The following MYO1B variants were observed in gnomAD, a reference collection of about 807,000 sequenced individuals.
MYO1B encodes the protein unconventional myosin-Ib.
MYO1B carries 72 observed loss-of-function variants against 159.7 expected under a neutral mutation model. The observed-to-expected ratio is 0.45, with a 90% confidence interval of 0.37 to 0.55. The LOEUF (loss-of-function observed/expected upper bound fraction) is 0.55, where lower values mean the gene tolerates loss of function less well. Among genes scored for constraint, MYO1B ranks in the 20% least tolerant of loss-of-function variants. The pLI is 0.00. For missense variants in MYO1B, 1,062 were observed against 1,364.8 expected, an observed-to-expected ratio of 0.78 and a Z score of 3.50; for synonymous variants, 468 against 473.8, an observed-to-expected ratio of 0.99 and a Z score of 0.16.
At chr2:191,271,897 A>G (rs1309170212) in intron 1 of MYO1B, among the ~76,000 whole-genome samples, 1 of 152,174 alleles carries the variant, frequency 6.6e-6, no homozygotes, top group Non-Finnish European at 1.5e-5. Flanking sequence ...AGTGCAGATG[A>G]TGTTGACATA....
rs766881465 is a variant in MYO1B at position 191,392,109 on chromosome 2, T to A, written c.1984T>A (p.Ser662Thr). 2 of 1,596,878 alleles carry A rather than the reference T, an allele frequency of 1.3e-6. No homozygotes were observed. The highest frequency in any genetic ancestry group is 2.7e-5 in the African/African-American group (2 of 74,618). Residue 662 changes from serine to threonine, a missense_variant and splice_region_variant, in exon 19 of 31, where the codon TCT (serine) becomes ACT (threonine). Physicochemically the swap from Ser to Thr is moderately conservative, Grantham distance 58. Around this residue, in one of 5 missense-constraint regions of MYO1B, gnomAD observed 609 missense variants for 744.4 expected, o/e 0.82. Transcript: ENST00000392318. ...CTGTTTTTATTTTTATTTTTTTAGGTCTGGTGTGGAGGTCCTATTTAATGA... is the reference window on the plus strand; with the variant it reads ...CTGTTTTTATTTTTATTTTTTTAGGACTGGTGTGGAGGTCCTATTTAATGA... ...TWPHWKGPAR[S>T]GVEVLFNELE...
At chr2:191,255,983 C>T (rs1686420537) in intron 1 of MYO1B, among the ~76,000 whole-genome samples, 2 of 152,166 alleles carry the variant, frequency 1.3e-5, no homozygotes, top group Admixed American at 6.5e-5. Context: ...ATGTTTTTTC[C>T]AGTGTCTCAG....
At chr2:191,381,246 A>C in intron 13 of MYO1B, 1 of 592,806 alleles carries the variant, frequency 1.7e-6, no homozygotes, top group Non-Finnish European at 3.1e-6. Context: ...CAAATATTGC[A>C]TCATTTGTGT....
At chr2:191,298,979 AC>A (rs1314290049) in intron 3 of MYO1B, among the ~76,000 whole-genome samples, 1 of 151,772 alleles carries the variant, frequency 6.6e-6, no homozygotes, top group Non-Finnish European at 1.5e-5. Flanking sequence ...TACACCACAA[AC>A]CCTCCAGGAT....
chr2:191,391,063 G>A (rs533061100), intron 18 of MYO1B, among the ~76,000 whole-genome samples: 8 of 152,368 alleles, frequency 5.3e-5, no homozygotes, highest in South Asian at 2.1e-4. Context: ...GCTGGACACC[G>A]CAGGCCCAGT....
chr2:191,369,703 T>A, intron 12 of MYO1B, 75 bp downstream of exon 12: 1 of 1,109,416 alleles, frequency 9.0e-7, no homozygotes, highest in Non-Finnish European at 1.4e-6. Flanking sequence ...GAAGAAAGTT[T>A]AAATTTATAA....
In MYO1B at chr2:191,352,449, G is replaced by T. The variant is rs557041744; in HGVS notation, c.562+2224G>T. Among the ~76,000 whole-genome samples the T allele has an allele frequency of 1.4e-4, 22 of 152,252 alleles. 1 individual carries two copies. The South Asian group carries it at 4.4e-3, about 30-fold the overall frequency. ...GGATTTTAGGAAAATAATTCAGGAT[G>T]ATTTTATTATTATAAGGATTAGAAA... On this transcript the variant is annotated intron_variant, in intron 7 of 30. Coordinates refer to ENST00000392318, the MANE Select transcript of MYO1B (RefSeq NM_001130158.3).
chr2:191,369,233 C>G (rs796601188), intron 11 of MYO1B, among the ~76,000 whole-genome samples: 19 of 152,234 alleles, frequency 1.2e-4, no homozygotes, highest in African/African-American at 4.1e-4. Flanking sequence ...CTTACTACCC[C>G]CTATTGTTGG....
At chr2:191,362,453 C>T (rs1364903240) in intron 9 of MYO1B, 82 bp downstream of exon 9, 2 of 1,010,676 alleles carry the variant, frequency 2.0e-6, no homozygotes, top group East Asian at 2.6e-5. Context: ...TCTGAGTTTT[C>T]TTTAAAGTGT....
chr2:191,363,266 G>A (rs141193675), intron 9 of MYO1B, among the ~76,000 whole-genome samples: 4 of 152,282 alleles, frequency 2.6e-5, no homozygotes, highest in East Asian at 1.9e-4. Flanking sequence ...TTGGCACTCC[G>A]TAAAAATTTA....
chr2:191,406,832 A>AT (rs1294029757), intron 24 of MYO1B, among the ~76,000 whole-genome samples: 1 of 152,252 alleles, frequency 6.6e-6, no homozygotes, highest in Non-Finnish European at 1.5e-5. Flanking sequence ...TGCAAAGTGC[A>AT]TTAAAATGAG....
chr2:191,261,100 T>G (rs1174925723), intron 1 of MYO1B, among the ~76,000 whole-genome samples: 1 of 152,202 alleles, frequency 6.6e-6, no homozygotes, highest in Non-Finnish European at 1.5e-5. Flanking sequence ...ACACTAATGC[T>G]CCAAGCTAGA....
intron 7 of MYO1B, among the ~76,000 whole-genome samples, chr2:191,357,205 T>C (rs1356498726): frequency 6.6e-6 from 1 of 152,218 alleles, no homozygotes; most frequent in Non-Finnish European, 1.5e-5. Context: ...AAAAACTTCA[T>C]CCTCCAGTAG....
At chr2:191,381,625 C>G in intron 14 of MYO1B, 59 bp downstream of exon 14, 1 of 1,239,200 alleles carries the variant, frequency 8.1e-7, no homozygotes, top group Non-Finnish European at 1.2e-6. Flanking sequence ...AATATAAATT[C>G]TAATTCAGAA....
chr2:191,363,579 C>A, intron 9 of MYO1B, 149 bp from the exon 10 acceptor site: 1 of 1,043,406 alleles, frequency 9.6e-7, no homozygotes, highest in Non-Finnish European at 1.3e-6. Context: ...CCCCAGGGTT[C>A]CTCGAATCAC....
chr2:191,346,331 TATGTTTAAACA>T (rs1350457311), intron 6 of MYO1B, 49 bp downstream of exon 6: 1 of 1,304,124 alleles, frequency 7.7e-7, no homozygotes, highest in Non-Finnish European at 1.0e-6. Context: ...TTAGCTCATG[TATGTTTAAACA>T]ACCAGTAGAT....
chr2:191,408,003 G>T, intron 24 of MYO1B, 112 bp from the exon 25 acceptor site: 1 of 581,994 alleles, frequency 1.7e-6, no homozygotes, highest in Non-Finnish European at 3.0e-6. Context: ...ATCTAGAAAG[G>T]ACACTTATAA....
Position 191,362,262 on chromosome 2 carries a change from C to G in MYO1B, c.662-6C>G, listed in dbSNP as rs772745774. 2 of 1,609,334 alleles carry G rather than the reference C, an allele frequency of 1.2e-6. No individual in the cohort carries two copies. Among genetic ancestry groups the G allele is most frequent in the Non-Finnish European group, 1.7e-6 (2 of 1,176,356 alleles). On this transcript the variant is annotated splice_region_variant and splice_polypyrimidine_tract_variant and intron_variant, in intron 8 of 30. Coordinates refer to ENST00000392318, the MANE Select transcript of MYO1B (RefSeq NM_001130158.3). The stretch of plus-strand genomic sequence containing the variant: ...AACTTAACAACTTGTGTCTTTGATT[C>G]AATAGATAAACTTAAGCTTGAGAGG...
chr2:191,416,564 C>G (rs112282027), intron 30 of MYO1B: 17,293 of 202,874 alleles, frequency 0.085, 1,653 homozygotes, highest in African/African-American at 0.25. Context: ...CCTGTAATCC[C>G]AGCACTTTGG....
Sources: allele counts gnomAD v4.1 joint callset (sites outside exome capture counted in the v4.1 genomes callset), GRCh38; gene constraint gnomAD v4.1.1; regional missense constraint gnomAD v4.1.1; transcripts MANE v1.5; gene names NCBI Gene and HGNC (gene_info 2026-07-23, HGNC 2026-07-21).